Variants in PTPRD observed in about 807,000 individuals in gnomAD.
PTPRD encodes the protein receptor-type tyrosine-protein phosphatase delta.
In PTPRD, 34 loss-of-function variants were observed where a neutral mutation model predicts 214.5. The observed-to-expected ratio is 0.16, with a 90% CI of 0.12 to 0.21. The LOEUF (loss-of-function observed/expected upper bound fraction) is 0.21. Ranked by LOEUF, PTPRD falls within the 10% of genes least tolerant of loss-of-function variation. The pLI, the probability that PTPRD is intolerant of heterozygous loss-of-function variation, is 1.00. For missense variants in PTPRD, 2,545 were observed against 2,398.7 expected (o/e 1.06, Z -1.27); for synonymous variants, 1,128 against 845.7 (o/e 1.33, Z -5.79).
chr9:10,490,533 G>A (rs1443662840), intron 2 of PTPRD, among the ~76,000 whole-genome samples: 3 of 152,068 alleles, frequency 2.0e-5, no homozygotes, highest in Admixed American at 6.6e-5. Flanking sequence ...AAAGTCCCTG[G>A]ATTAATTCAG....
intron 7 of PTPRD, among the ~76,000 whole-genome samples, chr9:9,638,302 G>A (rs1187826134): frequency 1.3e-5 from 2 of 152,046 alleles, no homozygotes; most frequent in African/African-American, 2.4e-5. Context: ...CATTCTGAAC[G>A]CTGCTGCTAG....
At chr9:10,378,226 A>G (rs757319242) in intron 2 of PTPRD, among the ~76,000 whole-genome samples, 1 of 151,952 alleles carries the variant, frequency 6.6e-6, no homozygotes, top group Non-Finnish European at 1.5e-5. Context: ...CTCTTGTCTG[A>G]TGAGCAGGTT....
chr9:10,038,788 A>G lies in PTPRD; in HGVS notation c.-544-4998T>C, dbSNP rs532637794. ...GAGAACTGTAATCACTTAGTTCTCT[A>G]GATTATGGGTATAAAATGTTGTATT... is the stretch of plus-strand genomic sequence containing the variant. On this transcript the variant is annotated intron_variant, in intron 3 of 45. Coordinates refer to ENST00000381196, the MANE Select transcript of PTPRD (RefSeq NM_002839.4). 2.6e-5 allele frequency among the ~76,000 whole-genome samples: 4 copies of G among 152,176 alleles called. No homozygotes were observed. In the South Asian group the frequency reaches 8.3e-4, roughly 32 times the overall value.
intron 7 of PTPRD, among the ~76,000 whole-genome samples, chr9:9,708,819 G>A (rs1595739499): frequency 1.3e-5 from 2 of 151,932 alleles, no homozygotes; most frequent in Admixed American, 1.3e-4. Flanking sequence ...AAAACGTGGT[G>A]TGTTTTCTAT....
intron 3 of PTPRD, among the ~76,000 whole-genome samples, chr9:10,338,570 T>C (rs2096884433): frequency 6.6e-6 from 1 of 151,770 alleles, no homozygotes; most frequent in Non-Finnish European, 1.5e-5. Flanking sequence ...TGTAGTGTTA[T>C]CTTTCTTTCC....
chr9:8,719,241 G>A (rs1473160899), intron 12 of PTPRD, among the ~76,000 whole-genome samples: 8 of 152,152 alleles, frequency 5.3e-5, no homozygotes, highest in Admixed American at 5.2e-4. Flanking sequence ...GGCACTAACA[G>A]CTGAATACCT....
intron 9 of PTPRD, among the ~76,000 whole-genome samples, chr9:9,338,215 A>T (rs1332795): frequency 0.53 from 81,312 of 152,096 alleles, 23,555 homozygotes; most frequent in African/African-American, 0.78. Context: ...TTATGTTCAA[A>T]TTCTTGCTGT....
At chr9:9,476,692 A>G (rs192959461) in intron 8 of PTPRD, among the ~76,000 whole-genome samples, 3 of 152,276 alleles carry the variant, frequency 2.0e-5, no homozygotes. Flanking sequence ...GAAATCTGAA[A>G]TTTTACATAA....
At chr9:10,218,223 A>T (rs1171323024) in intron 3 of PTPRD, among the ~76,000 whole-genome samples, 1 of 151,926 alleles carries the variant, frequency 6.6e-6, no homozygotes, top group Non-Finnish European at 1.5e-5. Context: ...AAATACAAAT[A>T]ATGTAACAGA....
chr9:10,189,624 G>C (rs887923054), intron 3 of PTPRD, among the ~76,000 whole-genome samples: 2 of 152,056 alleles, frequency 1.3e-5, no homozygotes, highest in African/African-American at 4.8e-5. Context: ...ACATGCAGCA[G>C]GACAAACAGG....
chr9:10,204,244 A>G (rs933514559), intron 3 of PTPRD, among the ~76,000 whole-genome samples: 2 of 151,822 alleles, frequency 1.3e-5, no homozygotes, highest in African/African-American at 2.4e-5. Flanking sequence ...CCACGTGAAA[A>G]TCTCTTTGGG....
intron 5 of PTPRD, among the ~76,000 whole-genome samples, chr9:9,777,221 C>G (rs147009103): frequency 0.013 from 1,919 of 152,128 alleles, 21 homozygotes; most frequent in Non-Finnish European, 0.02. Flanking sequence ...TAAAAACATT[C>G]TAAGTCCAGG....
At chr9:10,491,369 C>T (rs1178234182) in intron 2 of PTPRD, among the ~76,000 whole-genome samples, 1 of 151,990 alleles carries the variant, frequency 6.6e-6, no homozygotes, top group African/African-American at 2.4e-5. Context: ...ATTCTAATGT[C>T]AAGTAAGACA....
At chr9:9,520,069 AC>A (rs1424474473) in intron 8 of PTPRD, among the ~76,000 whole-genome samples, 1 of 151,946 alleles carries the variant, frequency 6.6e-6, no homozygotes, top group African/African-American at 2.4e-5. Flanking sequence ...AAATATTGGA[AC>A]TTTTTTCAAG....
intron 10 of PTPRD, among the ~76,000 whole-genome samples, chr9:9,159,809 C>G (rs1275980245): frequency 6.6e-6 from 1 of 152,114 alleles, no homozygotes; most frequent in African/African-American, 2.4e-5. Flanking sequence ...TTTCAAAATA[C>G]AAAGTGATTG....
In PTPRD at chr9:8,839,792, C is replaced by A. The variant is rs1052697056; in HGVS notation, c.-103-105846G>T. ...AGTGGGAGAAATGGGAAGAAGGGAA[C>A]AATGCCCAACAAAAGACAAACAGAC... On this transcript the variant is annotated intron_variant, in intron 11 of 45. Transcript: ENST00000381196. 5.3e-5 allele frequency among the ~76,000 whole-genome samples: 6 copies of A among 112,568 alleles called. No individual in the cohort carries two copies. The South Asian group carries it at 1.4e-3, about 27-fold the overall frequency. 73.8% of individuals were successfully genotyped at this position (112,568 alleles called of 152,430 possible).
At chr9:10,160,624 A>G (rs2099121981) in intron 3 of PTPRD, among the ~76,000 whole-genome samples, 1 of 151,968 alleles carries the variant, frequency 6.6e-6, no homozygotes, top group Non-Finnish European at 1.5e-5. Context: ...TAACCATTAT[A>G]CTAAATAGGA....
At chr9:10,541,994 A>G (rs2059223463) in intron 2 of PTPRD, among the ~76,000 whole-genome samples, 1 of 152,130 alleles carries the variant, frequency 6.6e-6, no homozygotes, top group South Asian at 2.1e-4. Context: ...AACAGGTCAT[A>G]ACCCCATTTA....
chr9:9,181,821 T>C (rs1383606322), intron 10 of PTPRD, among the ~76,000 whole-genome samples: 1 of 151,964 alleles, frequency 6.6e-6, no homozygotes, highest in Non-Finnish European at 1.5e-5. Context: ...CAGACAGAAA[T>C]AGAACTAAAA....
Sources: allele counts gnomAD v4.1 joint callset (sites outside exome capture counted in the v4.1 genomes callset), GRCh38; gene constraint gnomAD v4.1.1; transcripts MANE v1.5; gene names NCBI Gene and HGNC (gene_info 2026-07-23, HGNC 2026-07-21).